Variants in SLC27A5 observed in about 807,000 individuals in gnomAD.
SLC27A5 encodes the protein solute carrier family 27 member 5.
A neutral mutation model predicts 63.1 loss-of-function variants in SLC27A5; 47 were observed. The observed-to-expected ratio is 0.74, with a 90% CI of 0.59 to 0.95. SLC27A5 has a LOEUF of 0.95. Among genes scored for constraint, SLC27A5 ranks in the 40% least tolerant of loss-of-function variants. The probability of loss-of-function intolerance (pLI) is 0.00; values close to 1 mark genes in which losing one functional copy is unlikely to be tolerated. For synonymous variants in SLC27A5, 391 were observed against 403.8 expected (o/e 0.97, Z 0.38); for missense variants, 940 against 921.0 (o/e 1.02, Z -0.27).
At position 58,498,888 on chromosome 19, in the gene SLC27A5, G is replaced by A. The variant is rs769331838; in HGVS notation, c.1793C>T (p.Ala598Val). 10 of 1,613,290 alleles carry A rather than the reference G, an allele frequency of 6.2e-6. No individual in the cohort carries two copies. The South Asian group carries it at 9.9e-5, about 16-fold the overall frequency. The change falls in exon 9 of 10, where the codon GCT becomes GTT. Residue 598 changes from alanine to valine, a missense_variant. Ala to Val is a moderately conservative substitution (Grantham distance 64). Coordinates refer to ENST00000263093, the MANE Select transcript of SLC27A5 (RefSeq NM_012254.3). Reference sequence around the variant, plus strand: ...AGTCTGGCCGGGGGCTAGCTGCACAGCAGCCATGCCCACCTTACCCTCACA... The same window carrying A: ...AGTCTGGCCGGGGGCTAGCTGCACAACAGCCATGCCCACCTTACCCTCACA... Reference protein sequence around the residue: ...PGCEGKVGMAAVQLAPGQTFD... With the variant: ...PGCEGKVGMAVVQLAPGQTFD...
Position 58,511,777 on chromosome 19 carries a change from A to G in SLC27A5, c.179T>C (p.Val60Ala). The change falls in exon 1 of 10, where the codon GTG becomes GCG. Residue 60 changes from valine (V) to alanine (A), a missense_variant. Val to Ala is a moderately conservative substitution (Grantham distance 64, BLOSUM62 0). Transcript: ENST00000263093. ...MLARPWLGPW[V>A]PHGLSLAAAA... ...AGCTGCCAGGCTCAGCCCATGGGGCACCCAGGGGCCGAGCCAGGGCCGTGC... is the reference window on the plus strand; with the variant it reads ...AGCTGCCAGGCTCAGCCCATGGGGCGCCCAGGGGCCGAGCCAGGGCCGTGC... 3 of 1,553,322 alleles carry G rather than the reference A, an allele frequency of 1.9e-6. No individual in the cohort carries two copies. The highest frequency in any genetic ancestry group is 2.6e-6 in the Non-Finnish European group (3 of 1,148,812).
At chr19:58,502,225 T>TA (rs2053282336) in intron 3 of SLC27A5, among the ~76,000 whole-genome samples, 1 of 140,914 alleles carries the variant, frequency 7.1e-6, no homozygotes, top group Admixed American at 7.0e-5. Flanking sequence ...GGTGGACAGT[T>TA]AGAGTAGTGA....
Position 58,511,157 on chromosome 19 carries a change from G to A in SLC27A5, c.688+111C>T. The A allele has an allele frequency of 3.4e-6, 4 of 1,178,740 alleles. No homozygotes were observed. The South Asian group carries it at 6.5e-5, about 19-fold the overall frequency. The allele number at this position is 1,178,740 out of a possible 1,614,324, so 73.0% of individuals were successfully genotyped here. A position where few individuals can be genotyped will look rare whatever the true frequency, so the allele number is the denominator to read the frequency against. Reference sequence around the variant, plus strand: ...TCATAAGTCTTGATTATAATTGCCTGTGAAAGTAGGCAGGTGGGGACCAAG... The same window carrying A: ...TCATAAGTCTTGATTATAATTGCCTATGAAAGTAGGCAGGTGGGGACCAAG... On this transcript the variant is annotated intron_variant, in intron 1 of 9. Transcript: ENST00000263093.
At chr19:58,505,950 A>G (rs1352909632) in intron 3 of SLC27A5, among the ~76,000 whole-genome samples, 1 of 151,218 alleles carries the variant, frequency 6.6e-6, no homozygotes, top group Non-Finnish European at 1.5e-5. Context: ...CAGGAGTTCG[A>G]GACCAGCCTG....
rs776665086 is a variant in SLC27A5, at chr19:58,498,572, G to A, written c.2016C>T (p.Phe672=). 22 of 1,613,956 alleles carry A rather than the reference G, an allele frequency of 1.4e-5. No homozygotes were observed. The South Asian group carries it at 2.1e-4, about 15-fold the overall frequency. The change falls in exon 10 of 10, where the codon TTC becomes TTT. Residue 672 remains phenylalanine, a synonymous_variant. Coordinates refer to ENST00000263093, the MANE Select transcript of SLC27A5 (RefSeq NM_012254.3). ...LFVLDNRAQS[F]RPLTAEMYQA... ...GGTACATTTCTGCCGTCAGGGGCCG[G>A]AAGGACTGGGCCCGGTTGTCCAGTA...
chr19:58,511,978 C>T lies in SLC27A5; in HGVS notation c.-23G>A. ...CATGGTACCAGCTCCTCCCTAGGAG[C>T]AGCAGCTGTGGAGTGTTCAGGCTCA... On this transcript the variant is annotated 5_prime_UTR_variant, in exon 1 of 10. Transcript: ENST00000263093. The T allele has an allele frequency of 6.6e-7, 1 of 1,518,150 alleles. No individual in the cohort carries two copies. Among genetic ancestry groups the T allele is most frequent in the East Asian group, 2.5e-5 (1 of 40,564 alleles). 94.0% of individuals were successfully genotyped at this position (1,518,150 alleles called of 1,614,324 possible). A position where few individuals can be genotyped will look rare whatever the true frequency, so the allele number is the denominator to read the frequency against.
intron 3 of SLC27A5, chr19:58,509,645 A>T: frequency 2.0e-6 from 1 of 505,238 alleles, no homozygotes; most frequent in Non-Finnish European, 3.5e-6. Flanking sequence ...TCACCTCCTG[A>T]CCAAAGCATG....
At chr19:58,506,822 T>C (rs2053353130) in intron 3 of SLC27A5, among the ~76,000 whole-genome samples, 1 of 151,978 alleles carries the variant, frequency 6.6e-6, no homozygotes, top group African/African-American at 2.4e-5. Context: ...TTGGCCAGGC[T>C]GGTCTCAAAC....
intron 3 of SLC27A5, among the ~76,000 whole-genome samples, chr19:58,507,221 G>T (rs1247055093): frequency 3.3e-5 from 5 of 152,056 alleles, no homozygotes; most frequent in Admixed American, 6.5e-5. Flanking sequence ...GCCGGGCATA[G>T]TGGTGGGCAC....
rs1043248048 is a variant in SLC27A5, at chr19:58,501,318, C to T, written c.1150G>A (p.Glu384Lys). 2.5e-6 allele frequency: 4 copies of T among 1,613,700 alleles called. No individual in the cohort carries two copies. Among genetic ancestry groups the T allele is most frequent in the Non-Finnish European group, 3.4e-6 (4 of 1,179,780 alleles). ...ATGTTACACAAGTACCGCAGGAGCT[C>T]GCCCACATACAGGATCACTGTCACG... ...HGVTVILYVG[E>K]LLRYLCNIPQ... The change falls in exon 4 of 10, where the codon GAG becomes AAG. Residue 384 changes from glutamate (E) to lysine (K), a missense_variant. Transcript: ENST00000263093.
At chr19:58,508,183 C>T (rs552523198) in intron 3 of SLC27A5, 2 of 152,294 alleles carry the variant, frequency 1.3e-5, no homozygotes, top group East Asian at 1.9e-4. Flanking sequence ...ATGTCACCCC[C>T]GGAGGCCCAG....
chr19:58,506,694 C>T (rs1326419718), intron 3 of SLC27A5, among the ~76,000 whole-genome samples: 2 of 151,512 alleles, frequency 1.3e-5, no homozygotes, highest in Non-Finnish European at 2.9e-5. Flanking sequence ...TTTGCAACCC[C>T]CGCCTCCCAG....
chr19:58,511,701 G>A lies in SLC27A5; in HGVS notation c.255C>T (p.Arg85=). 6.4e-7 allele frequency: 1 copy of A among 1,565,208 alleles called. No individual in the cohort carries two copies. Among genetic ancestry groups the A allele is most frequent in the Non-Finnish European group, 8.7e-7 (1 of 1,154,622 alleles). Residue 85 remains arginine (R), a synonymous_variant, in exon 1 of 10, where the codon CGC becomes CGT. Transcript: ENST00000263093. ...AGAAGATCACATCAGCCGGCAGCCA[G>A]CGTAGTCCTGGGGGCAGCCGTGCTG... ...LLPARLPPGL[R]WLPADVIFLA...
In SLC27A5 at chr19:58,500,584, T is replaced by C. The variant is rs369407765; in HGVS notation, c.1305A>G (p.Thr435=). Residue 435 remains threonine (T), a synonymous_variant, in exon 5 of 10, where the codon ACA becomes ACG. Coordinates refer to ENST00000263093, the MANE Select transcript of SLC27A5 (RefSeq NM_012254.3). ...PIRIWEVYGS[T]EGNMGLVNYV... ...AGTTGACTAAGCCCATGTTGCCTTC[T>C]GTGGAGCCGTAGACTTCCCAGATCC... is the stretch of plus-strand genomic sequence containing the variant. The C allele has an allele frequency of 1.2e-5, 19 of 1,613,982 alleles. No individual in the cohort carries two copies. The highest frequency in any genetic ancestry group is 1.5e-5 in the Non-Finnish European group (18 of 1,180,032).
chr19:58,498,730 C>T, intron 9 of SLC27A5, 39 bp from the exon 10 acceptor site: 1 of 1,610,366 alleles, frequency 6.2e-7, no homozygotes, highest in Non-Finnish European at 8.5e-7. Context: ...CTGTGACATC[C>T]ACCCGCCCCC....
chr19:58,505,802 C>T (rs952227232), intron 3 of SLC27A5, among the ~76,000 whole-genome samples: 4 of 145,348 alleles, frequency 2.8e-5, no homozygotes, highest in East Asian at 2.1e-4. Flanking sequence ...GAGCCGACAT[C>T]GCGCCATTGC....
intron 3 of SLC27A5, among the ~76,000 whole-genome samples, chr19:58,504,515 G>C (rs368422909): frequency 2.0e-5 from 3 of 147,544 alleles, no homozygotes; most frequent in Non-Finnish European, 4.4e-5. Context: ...CGCTTGTGGC[G>C]GTGCGTGCCT....
rs369338679 is a variant in SLC27A5 at position 58,511,850 on chromosome 19, G to A, written c.106C>T (p.Leu36Phe). Residue 36 changes from leucine to phenylalanine, a missense_variant, in exon 1 of 10, where the codon CTC becomes TTC. Physicochemically the swap from Leu to Phe is conservative, Grantham distance 22 (BLOSUM62 0). Transcript: ENST00000263093. Reference protein sequence around the residue: ...PVAVALTLRWLLGDPTCCVLL... With the variant: ...PVAVALTLRWFLGDPTCCVLL... ...ACGCAACATGTGGGATCCCCCAGGAGCCAGCGCAGGGTCAAGGCCACAGCG... is the reference window on the plus strand; with the variant it reads ...ACGCAACATGTGGGATCCCCCAGGAACCAGCGCAGGGTCAAGGCCACAGCG... 5.6e-5 allele frequency: 87 copies of A among 1,558,552 alleles called. No homozygotes were observed. Among genetic ancestry groups the A allele is most frequent in the Non-Finnish European group, 6.9e-5 (80 of 1,151,738 alleles).
In SLC27A5 at chr19:58,511,850, G is replaced by C; in HGVS notation, c.106C>G (p.Leu36Val). The C allele has an allele frequency of 1.9e-6, 3 of 1,558,670 alleles. No individual in the cohort carries two copies. The South Asian group carries it at 3.5e-5, about 18-fold the overall frequency. ...ACGCAACATGTGGGATCCCCCAGGA[G>C]CCAGCGCAGGGTCAAGGCCACAGCG... The part of the protein sequence containing the change: ...PVAVALTLRW[L>V]LGDPTCCVLL... Residue 36 changes from leucine (L) to valine (V), a missense_variant, in exon 1 of 10, where the codon CTC becomes GTC. Leu to Val is a conservative substitution (Grantham distance 32). Coordinates refer to ENST00000263093, the MANE Select transcript of SLC27A5 (RefSeq NM_012254.3).
Sources: allele counts gnomAD v4.1 joint callset (sites outside exome capture counted in the v4.1 genomes callset), GRCh38; gene constraint gnomAD v4.1.1; transcripts MANE v1.5; gene names NCBI Gene and HGNC (gene_info 2026-07-23, HGNC 2026-07-21).